The following SYCP1 variants were observed in gnomAD, a reference collection of about 807,000 sequenced individuals.
The protein encoded by SYCP1 is cancer/testis antigen 8.
In SYCP1, 64 loss-of-function variants were observed where a neutral mutation model predicts 153.1. The observed-to-expected ratio is 0.42, with a 90% CI of 0.34 to 0.51. The LOEUF is 0.51. Ranked by LOEUF, SYCP1 falls within the 20% of genes least tolerant of loss-of-function variation. SYCP1 has a pLI of 0.06. For missense variants in SYCP1, 997 were observed against 1,049.0 expected, an observed-to-expected ratio of 0.95 and a Z score of 0.68; for synonymous variants, 384 against 341.8, an observed-to-expected ratio of 1.12 and a Z score of -1.36.
At chr1:114,965,312 A>G (rs1348532152) in intron 27 of SYCP1, among the ~76,000 whole-genome samples, 1 of 152,166 alleles carries the variant, frequency 6.6e-6, no homozygotes, top group Non-Finnish European at 1.5e-5. Context: ...AACAGAGACA[A>G]TTTGACTTGC....
intron 30 of SYCP1, among the ~76,000 whole-genome samples, chr1:114,994,076 A>G (rs926760143): frequency 1.3e-5 from 2 of 151,310 alleles, no homozygotes; most frequent in Non-Finnish European, 3.0e-5. Context: ...AGGCTGAATA[A>G]TATTCCATTG....
At chr1:114,972,141 C>A (rs746631969) in intron 27 of SYCP1, among the ~76,000 whole-genome samples, 1 of 152,004 alleles carries the variant, frequency 6.6e-6, no homozygotes, top group Non-Finnish European at 1.5e-5. Context: ...ATGGTTCAAT[C>A]TTTGTAGATT....
chr1:114,947,442 T>G (rs1229828749), intron 27 of SYCP1, 122 bp downstream of exon 27: 2 of 681,470 alleles, frequency 2.9e-6, no homozygotes, highest in African/African-American at 3.7e-5. Flanking sequence ...AGAAAATAAT[T>G]TTCCCCCAGA....
At chr1:114,892,608 C>T (rs1666793527) in intron 15 of SYCP1, among the ~76,000 whole-genome samples, 1 of 152,074 alleles carries the variant, frequency 6.6e-6, no homozygotes, top group African/African-American at 2.4e-5. Flanking sequence ...GCTGGGGTGA[C>T]ATGGGATTGA....
intron 27 of SYCP1, among the ~76,000 whole-genome samples, chr1:114,975,369 G>C (rs929804160): frequency 6.7e-6 from 1 of 148,924 alleles, no homozygotes; most frequent in African/African-American, 2.5e-5. Context: ...TCTTACTTTG[G>C]TTGATTTGGA....
At chr1:114,915,506 C>A (rs1372383575) in intron 20 of SYCP1, among the ~76,000 whole-genome samples, 2 of 152,188 alleles carry the variant, frequency 1.3e-5, no homozygotes, top group Non-Finnish European at 2.9e-5. Context: ...GAACAATTAA[C>A]ACAAATTCAC....
rs1373798002 is a variant in SYCP1 at position 114,994,734 on chromosome 1, T to C, written c.2740T>C (p.Tyr914His). The C allele has an allele frequency of 6.3e-7, 1 of 1,591,578 alleles. No individual in the cohort carries two copies. The highest frequency in any genetic ancestry group is 1.2e-5 in the South Asian group (1 of 85,766). ...VSEEETLKTL[Y>H]RNNNPPASHL... ...AGAAGAAGAGACATTGAAAACACTG[T>C]ATAGGAACAATAATCCACCAGCTTC... The change falls in exon 31 of 32, where the codon TAT becomes CAT. Residue 914 changes from tyrosine (Y) to histidine (H), a missense_variant. This residue lies in a region of SYCP1 where 712 missense variants were observed against 682.9 expected (regional missense o/e 1.04). Transcript: ENST00000369522.
chr1:114,923,106 T>C (rs1034902470), intron 20 of SYCP1, among the ~76,000 whole-genome samples: 1 of 152,204 alleles, frequency 6.6e-6, no homozygotes, highest in African/African-American at 2.4e-5. Context: ...TGATATTTAG[T>C]TTCTCTTTTT....
intron 12 of SYCP1, among the ~76,000 whole-genome samples, chr1:114,884,709 C>T (rs751221572): frequency 5.9e-5 from 9 of 152,134 alleles, no homozygotes; most frequent in Non-Finnish European, 1.2e-4. Context: ...TTGTTTAATT[C>T]TAACAGCAGG....
intron 3 of SYCP1, 64 bp from the exon 4 acceptor site, chr1:114,857,168 A>AAAAAAAAAAAAAAAAAAAAAAAAG: frequency 1.3e-6 from 1 of 789,560 alleles, no homozygotes; most frequent in Non-Finnish European, 1.8e-6. Context: ...GAGAAAAAAG[A>AAAAAAAAAAAAAAAAAAAAAAAAG]AAAAAAAAAA....
At chr1:114,867,958 T>A (rs1158858449) in intron 8 of SYCP1, among the ~76,000 whole-genome samples, 1 of 152,052 alleles carries the variant, frequency 6.6e-6, no homozygotes, top group Admixed American at 6.6e-5. Flanking sequence ...TAAAAGTTTT[T>A]ATCATGAGTG....
intron 12 of SYCP1, among the ~76,000 whole-genome samples, chr1:114,881,202 T>C (rs767821513): frequency 1.4e-4 from 21 of 152,188 alleles, no homozygotes; most frequent in Non-Finnish European, 2.8e-4. Flanking sequence ...ACATTATTAT[T>C]ACTGTTTTGT....
intron 16 of SYCP1, among the ~76,000 whole-genome samples, chr1:114,902,140 C>CA (rs1667496358): frequency 6.6e-6 from 1 of 151,548 alleles, no homozygotes; most frequent in African/African-American, 2.4e-5. Context: ...CCATCTGTAC[C>CA]AAAAAAAGAA....
rs899914844 is a variant in SYCP1 at position 114,931,086 on chromosome 1, T to TA, written c.1926+4533dup. On this transcript the variant is annotated intron_variant, in intron 23 of 31. Transcript: ENST00000369522. ...ACAGAATTGAACACTTATTCATGAT[T>TA]AAAAAAAAAACTTCCAGCAAACTAG... 1.4e-3 allele frequency among the ~76,000 whole-genome samples: 208 copies of TA among 149,380 alleles called. 2 individuals are homozygous for TA. Among genetic ancestry groups the TA allele is most frequent in the Admixed American group, 4.7e-4 (7 of 14,928 alleles).
At chr1:114,987,280 G>C (rs1270198438) in intron 30 of SYCP1, among the ~76,000 whole-genome samples, 1 of 151,910 alleles carries the variant, frequency 6.6e-6, no homozygotes, top group African/African-American at 2.4e-5. Context: ...TAAAACAAAA[G>C]AAAACAGAAC....
intron 10 of SYCP1, 27 bp from the exon 11 acceptor site, chr1:114,876,710 T>C: frequency 8.7e-7 from 1 of 1,144,156 alleles, no homozygotes. Context: ...GTTATGACAT[T>C]ACAGTATATT....
At chr1:114,877,409 A>T (rs1308356228) in intron 11 of SYCP1, among the ~76,000 whole-genome samples, 1 of 152,214 alleles carries the variant, frequency 6.6e-6, no homozygotes, top group Non-Finnish European at 1.5e-5. Context: ...CAATATATAT[A>T]ATAGAATCCT....
intron 30 of SYCP1, among the ~76,000 whole-genome samples, chr1:114,985,488 T>A (rs1380170683): frequency 6.6e-6 from 1 of 152,016 alleles, no homozygotes; most frequent in East Asian, 1.9e-4. Context: ...TTAATTTTTT[T>A]AAAAAGGTGA....
chr1:114,878,023 G>A, intron 11 of SYCP1, 71 bp from the exon 12 acceptor site: 1 of 871,402 alleles, frequency 1.1e-6, no homozygotes, highest in East Asian at 2.8e-5. Flanking sequence ...TAAAATAATT[G>A]TAGGTATTAT....
Sources: gnomAD v4.1 joint callset for allele counts (sites outside exome capture counted in the v4.1 genomes callset) on GRCh38, gnomAD v4.1.1 for gene constraint, gnomAD v4.1.1 regional missense constraint, MANE v1.5 for transcripts, NCBI Gene and HGNC (gene_info 2026-07-23, HGNC 2026-07-21) for gene names.